SLC8A1: variants seen among roughly 807,000 people sequenced by gnomAD.
SLC8A1 encodes the protein sodium/calcium exchanger 1.
SLC8A1 carries 18 observed loss-of-function variants against 68.3 expected under a neutral mutation model. That is an observed-to-expected ratio of 0.26 (90% CI 0.18 to 0.39). The LOEUF (loss-of-function observed/expected upper bound fraction) is 0.39, where lower values mean the gene tolerates loss of function less well. Ranked by LOEUF, SLC8A1 falls within the 10% of genes least tolerant of loss-of-function variation. The pLI is 1.00. For synonymous variants in SLC8A1, 475 were observed against 415.5 expected, an observed-to-expected ratio of 1.14 and a Z score of -1.74; for missense variants, 985 against 1,156.7, an observed-to-expected ratio of 0.85 and a Z score of 2.15.
At chr2:40,492,409 A>G (rs1463226123) in intron 1 of SLC8A1, among the ~76,000 whole-genome samples, 2 of 152,190 alleles carry the variant, frequency 1.3e-5, no homozygotes, top group African/African-American at 4.8e-5. Flanking sequence ...AAACCTAGGC[A>G]TTACCATTCA....
intron 1 of SLC8A1, among the ~76,000 whole-genome samples, chr2:40,478,999 T>G (rs1253103811): frequency 6.6e-6 from 1 of 152,138 alleles, no homozygotes; most frequent in African/African-American, 2.4e-5. Context: ...CTCAAACTCC[T>G]GATCGCAGGT....
intron 6 of SLC8A1, among the ~76,000 whole-genome samples, chr2:40,150,658 G>C (rs2148372091): frequency 6.6e-6 from 1 of 152,298 alleles, no homozygotes; most frequent in Middle Eastern, 3.4e-3. Context: ...TAAGAGTGCT[G>C]AATCATTCTA....
At chr2:40,322,501 TAAAAAAAA>T (rs10708563) in intron 2 of SLC8A1, among the ~76,000 whole-genome samples, 31 of 97,318 alleles carry the variant, frequency 3.2e-4, no homozygotes, top group East Asian at 8.8e-4. Flanking sequence ...TACAAAAGGT[TAAAAAAAA>T]AAAAAAAAAA....
At chr2:40,467,542 C>G (rs1366468006) in intron 1 of SLC8A1, among the ~76,000 whole-genome samples, 1 of 152,086 alleles carries the variant, frequency 6.6e-6, no homozygotes, top group African/African-American at 2.4e-5. Flanking sequence ...CTTTTATGTT[C>G]CTTCTACAGA....
At position 40,135,570 on chromosome 2, in the gene SLC8A1, T is replaced by G. The variant is rs1035747173; in HGVS notation, c.2437+3831A>C. ...CTCTCTCTACTAAAAATACAAAAAT[T>G]AGCTAGGCATGGTGGTATGTGCCTG... On this transcript the variant is annotated intron_variant, in intron 7 of 7. Transcript: ENST00000406785. Among the ~76,000 whole-genome samples, 4 of 151,944 alleles carry G rather than the reference T, an allele frequency of 2.6e-5. No homozygotes were observed. In the East Asian group the frequency reaches 7.8e-4, roughly 29 times the overall value.
chr2:40,182,753 TGAAAAA>T (rs1336388695), intron 2 of SLC8A1, among the ~76,000 whole-genome samples: 1 of 152,210 alleles, frequency 6.6e-6, no homozygotes, highest in East Asian at 1.9e-4. Context: ...TAATGAGGGT[TGAAAAA>T]GAAAGTCTCT....
At chr2:40,454,529 T>C (rs1702884628), upstream of SLC8A1, among the ~76,000 whole-genome samples, 1 of 147,842 alleles carries the variant, frequency 6.8e-6, no homozygotes, top group South Asian at 2.2e-4. Flanking sequence ...AAAGGCTACA[T>C]CTTGGCCACT....
intron 2 of SLC8A1, among the ~76,000 whole-genome samples, chr2:40,237,655 T>C (rs371231030): frequency 1.8e-4 from 27 of 152,186 alleles, no homozygotes; most frequent in African/African-American, 2.2e-4. Flanking sequence ...TGAGGAACTG[T>C]GTTCCTTTGG....
chr2:40,448,512 G>C (rs538234995), intron 1 of SLC8A1, among the ~76,000 whole-genome samples: 5 of 152,128 alleles, frequency 3.3e-5, no homozygotes, highest in Non-Finnish European at 5.9e-5. Context: ...AAATACCTTC[G>C]TTTAAAAAGA....
intron 1 of SLC8A1, among the ~76,000 whole-genome samples, chr2:40,508,591 G>T (rs534688933): frequency 6.6e-6 from 1 of 151,932 alleles, no homozygotes; most frequent in African/African-American, 2.4e-5. Flanking sequence ...TCAAGCTAAG[G>T]ACTATGATAG....
intron 3 of SLC8A1, among the ~76,000 whole-genome samples, 155 bp from the exon 5 acceptor site, chr2:40,174,997 A>G (rs2048218155): frequency 6.6e-6 from 1 of 152,154 alleles, no homozygotes; most frequent in African/African-American, 2.4e-5. Context: ...TGAATCACTA[A>G]TCGTTCTTTT....
At chr2:40,460,903 GC>G (rs1171569527) in intron 1 of SLC8A1, among the ~76,000 whole-genome samples, 1 of 152,064 alleles carries the variant, frequency 6.6e-6, no homozygotes. Flanking sequence ...AAGTGCTATG[GC>G]CGGATATGTA....
chr2:40,137,993 A>G (rs2040845134), intron 7 of SLC8A1, among the ~76,000 whole-genome samples: 1 of 152,158 alleles, frequency 6.6e-6, no homozygotes, highest in African/African-American at 2.4e-5. Flanking sequence ...TACTGTTCAG[A>G]TCATCCTAAC....
intron 2 of SLC8A1, among the ~76,000 whole-genome samples, chr2:40,365,642 C>G (rs1353110520): frequency 6.6e-6 from 1 of 152,022 alleles, no homozygotes; most frequent in African/African-American, 2.4e-5. Context: ...GGTTGATGAC[C>G]TGTCTATACC....
At chr2:40,244,746 G>C (rs2061643359) in intron 2 of SLC8A1, among the ~76,000 whole-genome samples, 1 of 152,110 alleles carries the variant, frequency 6.6e-6, no homozygotes, top group Admixed American at 6.5e-5. Context: ...TGCTGCCCCA[G>C]TCAGCCTTGG....
At chr2:40,115,262 T>G in exon 8 of SLC8A1, 1 of 1,609,400 alleles carries the variant, frequency 6.2e-7, no homozygotes, top group Middle Eastern at 2.0e-4. Context: ...TTTAGAAGCC[T>G]TTTATGTGGC....
intron 1 of SLC8A1, among the ~76,000 whole-genome samples, chr2:40,462,623 C>T (rs1470947191): frequency 1.3e-5 from 2 of 151,426 alleles, no homozygotes; most frequent in East Asian, 3.9e-4. Context: ...GCCTGAGCAA[C>T]CTAGTGAGAA....
intron 2 of SLC8A1, among the ~76,000 whole-genome samples, chr2:40,200,791 C>G (rs2054222210): frequency 6.6e-6 from 1 of 151,788 alleles, no homozygotes; most frequent in South Asian, 2.1e-4. Flanking sequence ...AGACTTTGTC[C>G]TTAATTGACT....
intron 2 of SLC8A1, among the ~76,000 whole-genome samples, chr2:40,387,936 CAAAAAAAA>C (rs57394425): frequency 1.1e-5 from 1 of 90,938 alleles, no homozygotes; most frequent in Non-Finnish European, 2.1e-5. Context: ...GAGACTGCCT[CAAAAAAAA>C]AAAAAAAAAA....
Sources: allele counts gnomAD v4.1 joint callset (sites outside exome capture counted in the v4.1 genomes callset), GRCh38; gene constraint gnomAD v4.1.1; transcripts MANE v1.5; gene names NCBI Gene and HGNC (gene_info 2026-07-23, HGNC 2026-07-21).